Variants in COL4A5 observed in about 807,000 individuals in gnomAD.
The protein encoded by COL4A5 is collagen alpha-5(IV) chain.
Under a neutral mutation model 130.2 loss-of-function variants are expected in COL4A5, and 26 were observed. The observed-to-expected ratio is 0.20, with a 90% CI of 0.15 to 0.28. The LOEUF is 0.28. COL4A5 is among the 10% of genes least tolerant of loss of function. The pLI is 1.00. For synonymous variants in COL4A5, 496 were observed against 439.6 expected, an observed-to-expected ratio of 1.13 and a Z score of -1.60; for missense variants, 1,131 against 1,344.3, an observed-to-expected ratio of 0.84 and a Z score of 2.48.
chrX:108,686,077 C>T lies in COL4A5; in HGVS notation c.4263C>T (p.Gly1421=), dbSNP rs754854977. 1.7e-6 allele frequency: 2 copies of T among 1,209,213 alleles called. No homozygotes were observed. The highest frequency in any genetic ancestry group is 2.2e-6 in the Non-Finnish European group (2 of 895,007). ...PGDPGRNGLP[G]FDGAGGRKGD... The stretch of plus-strand genomic sequence containing the variant: ...ATCCTGGACGCAATGGACTCCCTGG[C>T]TTTGATGGTGCAGGAGGGCGCAAAG... The change falls in exon 48 of 53, where the codon GGC becomes GGT. Residue 1421 remains glycine (G), a synonymous_variant. Coordinates refer to ENST00000328300, the MANE Select transcript of COL4A5 (RefSeq NM_033380.3).
rs2067001913 is a variant in COL4A5, at chrX:108,619,746, T to A, written c.2510-513T>A. Among the ~76,000 whole-genome samples the A allele has an allele frequency of 3.6e-5, 4 of 112,038 alleles. No individual in the cohort carries two copies. In the Admixed American group the frequency reaches 3.8e-4, roughly 11 times the overall value. On this transcript the variant is annotated intron_variant, in intron 30 of 52. Coordinates refer to ENST00000328300, the MANE Select transcript of COL4A5 (RefSeq NM_033380.3). ...CAATAATTTTGGGAGCTCATAGAGA[T>A]GTGTACTAATAATTTATAATACATT...
intron 1 of COL4A5, among the ~76,000 whole-genome samples, chrX:108,498,630 A>G (rs1338208899): frequency 9.0e-6 from 1 of 111,198 alleles, no homozygotes; most frequent in Non-Finnish European, 1.9e-5. Flanking sequence ...TGAGTCTAGC[A>G]TATATTTCCA....
In COL4A5 at chrX:108,666,531, G is replaced by A; in HGVS notation, c.3490G>A (p.Gly1164Ser). 1 of 1,208,975 alleles carries A rather than the reference G, an allele frequency of 8.3e-7. No homozygotes were observed. The part of the protein sequence containing the change: ...GGHPGQPGPP[G>S]EKGKPGQDGI... The stretch of plus-strand genomic sequence containing the variant: ...TCATCCTGGGCAACCAGGGCCTCCA[G>A]GCGAAAAAGGCAAACCCGGTCAAGA... The change falls in exon 39 of 53, where the codon GGC (glycine) becomes AGC (serine). Residue 1164 changes from glycine (G) to serine (S), a missense_variant. Transcript: ENST00000328300.
At chrX:108,590,998 A>G (rs972578088) in intron 19 of COL4A5, 60 bp from the exon 20 acceptor site, 4 of 1,029,217 alleles carry the variant, frequency 3.9e-6, no homozygotes, top group Non-Finnish European at 5.4e-6. Flanking sequence ...TAATGTCTCA[A>G]TGAGAACTAA....
At chrX:108,580,778 C>T in intron 15 of COL4A5, 40 bp downstream of exon 15, 1 of 1,125,170 alleles carries the variant, frequency 8.9e-7, no homozygotes. Flanking sequence ...CAAAAAAATT[C>T]TAAATGTGTG....
At chrX:108,547,141 G>A (rs1303170196) in intron 2 of COL4A5, among the ~76,000 whole-genome samples, 4 of 112,279 alleles carry the variant, frequency 3.6e-5, no homozygotes, top group Non-Finnish European at 7.5e-5. Context: ...GCTTTGTTCT[G>A]TTGCTGGTGA....
intron 2 of COL4A5, among the ~76,000 whole-genome samples, chrX:108,541,841 A>G (rs1382905473): frequency 1.8e-5 from 2 of 112,245 alleles, no homozygotes; most frequent in Admixed American, 1.9e-4. Flanking sequence ...TTAAAATAGA[A>G]GTTTAATCAA....
At chrX:108,677,924 A>G (rs2068339601) in intron 44 of COL4A5, among the ~76,000 whole-genome samples, 1 of 112,004 alleles carries the variant, frequency 8.9e-6, no homozygotes, top group South Asian at 3.7e-4. Context: ...CAAAGGAGAC[A>G]TGCATATTAG....
rs1397121500 is a variant in COL4A5, at chrX:108,677,569, C to T, written c.3878C>T (p.Pro1293Leu). The stretch of plus-strand genomic sequence containing the variant: ...GGTATTAAAGGAGAGAAGGGAAATC[C>T]AGGCCAACCTGGGCTACCTGGCTTG... Reference protein sequence around the residue: ...NGGIKGEKGNPGQPGLPGLPG... With the variant: ...NGGIKGEKGNLGQPGLPGLPG... Residue 1293 changes from proline to leucine, a missense_variant, in exon 44 of 53, where the codon CCA (proline) becomes CTA (leucine). Pro to Leu is a moderately conservative substitution (Grantham distance 98, BLOSUM62 -3). Coordinates refer to ENST00000328300, the MANE Select transcript of COL4A5 (RefSeq NM_033380.3). 2 of 1,209,056 alleles carry T rather than the reference C, an allele frequency of 1.7e-6. No homozygotes were observed. Among genetic ancestry groups the T allele is most frequent in the African/African-American group, 1.7e-5 (1 of 57,204 alleles).
chrX:108,521,448 A>G (rs1410952805), intron 1 of COL4A5, among the ~76,000 whole-genome samples: 1 of 110,797 alleles, frequency 9.0e-6, no homozygotes, highest in Non-Finnish European at 1.9e-5. Flanking sequence ...TACAATAAAG[A>G]TATTAAAAAT....
intron 1 of COL4A5, among the ~76,000 whole-genome samples, chrX:108,531,815 A>G (rs2065389512): frequency 8.9e-6 from 1 of 111,914 alleles, no homozygotes; most frequent in African/African-American, 3.2e-5. Flanking sequence ...ACAACTATAC[A>G]CTGACACACT....
intron 1 of COL4A5, among the ~76,000 whole-genome samples, chrX:108,526,640 CTT>C (rs1404970336): frequency 1.1e-4 from 6 of 56,432 alleles, no homozygotes; most frequent in East Asian, 6.9e-4. Context: ...TTCTTTCTTT[CTT>C]TCTTTCTTTC....
At chrX:108,491,469 A>G (rs772085768) in intron 1 of COL4A5, among the ~76,000 whole-genome samples, 5 of 112,136 alleles carry the variant, frequency 4.5e-5, no homozygotes, top group Admixed American at 1.9e-4. Flanking sequence ...ATGGCAGAGT[A>G]GGGAACCCTC....
intron 1 of COL4A5, among the ~76,000 whole-genome samples, chrX:108,505,633 G>A (rs555908989): frequency 2.7e-5 from 3 of 111,677 alleles, no homozygotes; most frequent in Admixed American, 9.5e-5. Flanking sequence ...ATGTAAAGAC[G>A]CAGCAGGAAA....
chrX:108,637,961 C>T (rs2067387278), intron 36 of COL4A5, among the ~76,000 whole-genome samples: 1 of 108,410 alleles, frequency 9.2e-6, no homozygotes, highest in Admixed American at 1.0e-4. Flanking sequence ...CTCAAGTGAT[C>T]TTCAGCCTCC....
chrX:108,605,177 T>A (rs944898344), intron 28 of COL4A5, among the ~76,000 whole-genome samples: 24 of 112,454 alleles, frequency 2.1e-4, no homozygotes, highest in Non-Finnish European at 3.7e-5. Flanking sequence ...GACCTAGCCT[T>A]CAACCTACCT....
intron 1 of COL4A5, among the ~76,000 whole-genome samples, chrX:108,485,869 C>T (rs973468735): frequency 2.7e-5 from 3 of 110,910 alleles, no homozygotes; most frequent in African/African-American, 6.6e-5. Flanking sequence ...TGTCTCCAAG[C>T]CCAGCTCAGC....
chrX:108,626,645 C>T (rs899954888), intron 36 of COL4A5: 2 of 1,031,245 alleles, frequency 1.9e-6, no homozygotes, highest in Non-Finnish European at 2.5e-6. Context: ...TTAGTCCATC[C>T]CTTTTTAGTG....
chrX:108,544,102 C>A (rs914091582), intron 2 of COL4A5, among the ~76,000 whole-genome samples: 7 of 111,688 alleles, frequency 6.3e-5, no homozygotes, highest in Admixed American at 1.9e-4. Flanking sequence ...CTCTTTATTT[C>A]TTTCTCCTGC....
Sources: gnomAD v4.1 joint callset for allele counts (sites outside exome capture counted in the v4.1 genomes callset) on GRCh38, gnomAD v4.1.1 for gene constraint, MANE v1.5 for transcripts, NCBI Gene and HGNC (gene_info 2026-07-23, HGNC 2026-07-21) for gene names.